The following KCTD19 variants were observed in gnomAD, a reference collection of about 807,000 sequenced individuals.
KCTD19 encodes BTB/POZ domain-containing protein KCTD19.
A neutral mutation model predicts 103.5 loss-of-function variants in KCTD19; 67 were observed. That is an observed-to-expected ratio of 0.65 (90% CI 0.53 to 0.79). The LOEUF (loss-of-function observed/expected upper bound fraction) is 0.79, where lower values mean the gene tolerates loss of function less well. KCTD19 is among the 30% of genes least tolerant of loss of function. KCTD19 has a pLI of 0.00. For synonymous variants in KCTD19, 439 were observed against 452.2 expected (o/e 0.97, Z 0.37); for missense variants, 980 against 1,136.1 (o/e 0.86, Z 1.98).
In KCTD19 at chr16:67,323,659, G is replaced by A. The variant is rs976393470; in HGVS notation, c.4-2774C>T. Among the ~76,000 whole-genome samples, 4 of 152,198 alleles carry A rather than the reference G, an allele frequency of 2.6e-5. No homozygotes were observed. The highest frequency in any genetic ancestry group is 4.4e-5 in the Non-Finnish European group (3 of 68,028). The stretch of plus-strand genomic sequence containing the variant: ...CCATCCACATGCAATGTGTGGACAA[G>A]GCAAATTTCTAGAGATAGAAAATAG... On this transcript the variant is annotated intron_variant, in intron 1 of 15. Coordinates refer to ENST00000304372, the MANE Select transcript of KCTD19 (RefSeq NM_001100915.3). This position sits in a 1 kb window ranked among gnomAD's most constrained non-coding sequence, Gnocchi z 4.1.
Position 67,293,398 on chromosome 16 carries a change from CTG to C in KCTD19, c.2218+144_2218+145del. ...AGCCATGCCAATGTGCCAGTCATTT[CTG>C]TGTCTGCTGCCTGGCACAGAGATGG... On this transcript the variant is annotated intron_variant, in intron 12 of 15. Coordinates refer to ENST00000304372, the MANE Select transcript of KCTD19 (RefSeq NM_001100915.3). This position sits in a 1 kb window ranked among gnomAD's most constrained non-coding sequence, Gnocchi z 4.0. 3.4e-6 allele frequency: 3 copies of C among 876,218 alleles called. No homozygotes were observed. Among genetic ancestry groups the C allele is most frequent in the Non-Finnish European group, 3.5e-6 (2 of 563,388 alleles). 54.3% of individuals were successfully genotyped at this position (876,218 alleles called of 1,614,324 possible).
At chr16:67,313,160 A>C (rs920755875) in intron 2 of KCTD19, among the ~76,000 whole-genome samples, 9 of 150,844 alleles carry the variant, frequency 6.0e-5, no homozygotes, top group African/African-American at 2.2e-4. Context: ...CCCAGGCTGG[A>C]GTGCAGTGGT....
intron 1 of KCTD19, among the ~76,000 whole-genome samples, chr16:67,321,332 C>G (rs2037070712): frequency 6.6e-6 from 1 of 151,998 alleles, no homozygotes; most frequent in Non-Finnish European, 1.5e-5. Context: ...ACAATAGCAT[C>G]AAAAATAACA....
chr16:67,317,150 A>G (rs2037021337), intron 2 of KCTD19, among the ~76,000 whole-genome samples: 1 of 152,126 alleles, frequency 6.6e-6, no homozygotes, highest in Non-Finnish European at 1.5e-5. Context: ...CCAATATGGT[A>G]GCCACTAGCC....
rs1018674730 is a variant in KCTD19, at chr16:67,323,675, T to C, written c.4-2790A>G. On this transcript the variant is annotated intron_variant, in intron 1 of 15. Transcript: ENST00000304372. The surrounding 1 kb of genome is among the most constrained non-coding windows in gnomAD (Gnocchi z 4.1). ...TGTGGACAAGGCAAATTTCTAGAGA[T>C]AGAAAATAGATTAGTGGTTGCCTAG... Among the ~76,000 whole-genome samples the C allele has an allele frequency of 1.3e-5, 2 of 152,084 alleles. No homozygotes were observed. Among genetic ancestry groups the C allele is most frequent in the African/African-American group, 4.8e-5 (2 of 41,406 alleles).
At chr16:67,301,690 C>T (rs1597395192) in intron 5 of KCTD19, 101 bp downstream of exon 5, 1 of 1,121,878 alleles carries the variant, frequency 8.9e-7, no homozygotes, top group Non-Finnish European at 1.3e-6. Context: ...CTCTCACTAA[C>T]CCCCAAAGCC....
intron 4 of KCTD19, 72 bp from the exon 5 acceptor site, chr16:67,301,994 C>T: frequency 6.7e-7 from 1 of 1,491,046 alleles, no homozygotes; most frequent in Non-Finnish European, 9.3e-7. Flanking sequence ...CTGGTTTTGG[C>T]AGGTTTCTGG....
intron 14 of KCTD19, 28 bp downstream of exon 14, chr16:67,291,281 C>A: frequency 6.2e-7 from 1 of 1,606,058 alleles, no homozygotes; most frequent in East Asian, 2.2e-5. Context: ...TACAGGGTGC[C>A]CCAGGGCCTG....
Position 67,291,334 on chromosome 16 carries a change from A to G in KCTD19, c.2540T>C (p.Val847Ala). Residue 847 changes from valine to alanine, a missense_variant, in exon 14 of 16, where the codon GTG becomes GCG. Val to Ala is a moderately conservative substitution (Grantham distance 64). Coordinates refer to ENST00000304372, the MANE Select transcript of KCTD19 (RefSeq NM_001100915.3). Reference sequence around the variant, plus strand: ...CCACAGCCGATTGGCCAGGGAGACCACCTTGGCTGTGATGGCTTTGGGGTC... The same window carrying G: ...CCACAGCCGATTGGCCAGGGAGACCGCCTTGGCTGTGATGGCTTTGGGGTC... ...QKDPKAITAK[V>A]VSLANRLWTL... 6.2e-7 allele frequency: 1 copy of G among 1,613,924 alleles called. No homozygotes were observed. The highest frequency in any genetic ancestry group is 8.5e-7 in the Non-Finnish European group (1 of 1,180,014).
chr16:67,319,434 T>C (rs1291128942), intron 2 of KCTD19, among the ~76,000 whole-genome samples: 1 of 152,032 alleles, frequency 6.6e-6, no homozygotes, highest in Non-Finnish European at 1.5e-5. Flanking sequence ...CTGCAGCTTG[T>C]TGGGTTAGTG....
Position 67,294,110 on chromosome 16 carries a change from G to A in KCTD19, c.1652C>T (p.Ala551Val), listed in dbSNP as rs2036735503. Residue 551 changes from alanine to valine, a missense_variant, in exon 12 of 16, where the codon GCT becomes GTT. By Grantham distance (64) the Ala-to-Val change is moderately conservative (BLOSUM62 0). Coordinates refer to ENST00000304372, the MANE Select transcript of KCTD19 (RefSeq NM_001100915.3). ...GTTGGACCTGACCAGGTTTCCCTTA[G>A]CCTTGTTCCATGGAGTCCTGTCACT... ...DCSDRTPWNKAKGNLVRSNQM... is the reference protein window; with the variant it reads ...DCSDRTPWNKVKGNLVRSNQM... 20 of 1,612,798 alleles carry A rather than the reference G, an allele frequency of 1.2e-5. No individual in the cohort carries two copies. The highest frequency in any genetic ancestry group is 1.7e-5 in the Non-Finnish European group (20 of 1,178,898).
chr16:67,291,785 T>G lies in KCTD19; in HGVS notation c.2271A>C (p.Leu757=), dbSNP rs114108483. 1 of 1,613,828 alleles carries G rather than the reference T, an allele frequency of 6.2e-7. No homozygotes were observed. The highest frequency in any genetic ancestry group is 1.3e-5 in the African/African-American group (1 of 74,886). ...PLPEASEVDS[L]GVILKVTHPP... ...GGTGAGTCACTTTGAGGATAACCCC[T>G]AGGCTGTCCACCTCACTGGCCTCGG... Residue 757 remains leucine, a synonymous_variant, in exon 13 of 16, where the codon CTA becomes CTC. Coordinates refer to ENST00000304372, the MANE Select transcript of KCTD19 (RefSeq NM_001100915.3).
chr16:67,319,826 G>A (rs1182475623), intron 2 of KCTD19, among the ~76,000 whole-genome samples: 1 of 151,446 alleles, frequency 6.6e-6, no homozygotes, highest in African/African-American at 2.4e-5. Flanking sequence ...TTGCTTTGGT[G>A]TAAATGCATG....
rs1458552450 is a variant in KCTD19 at position 67,323,692 on chromosome 16, GT to G, written c.4-2808del. On this transcript the variant is annotated intron_variant, in intron 1 of 15. Transcript: ENST00000304372. The surrounding 1 kb of genome is among the most constrained non-coding windows in gnomAD (Gnocchi z 4.1). ...TCTAGAGATAGAAAATAGATTAGTGGTTGCCTAGGGCTGGAGAGGCTATGGG... is the reference window on the plus strand; with the variant it reads ...TCTAGAGATAGAAAATAGATTAGTGGTGCCTAGGGCTGGAGAGGCTATGGG... 6.6e-6 allele frequency among the ~76,000 whole-genome samples: 1 copy of G among 152,128 alleles called. No individual in the cohort carries two copies.
chr16:67,289,963 A>C (rs2142497377), intron 15 of KCTD19, among the ~76,000 whole-genome samples: 1 of 152,318 alleles, frequency 6.6e-6, no homozygotes, highest in South Asian at 2.1e-4. Flanking sequence ...TACAAACCAC[A>C]TATGAGCCAG....
At chr16:67,292,911 C>G (rs1483999297) in intron 12 of KCTD19, among the ~76,000 whole-genome samples, 1 of 152,130 alleles carries the variant, frequency 6.6e-6, no homozygotes, top group Non-Finnish European at 1.5e-5. Flanking sequence ...AGGCTAGAAA[C>G]CTGGCTTCTC....
At chr16:67,322,447 C>T (rs963928360) in intron 1 of KCTD19, among the ~76,000 whole-genome samples, 8 of 151,980 alleles carry the variant, frequency 5.3e-5, no homozygotes, top group African/African-American at 1.7e-4. Flanking sequence ...TACAGGCACC[C>T]GCCACCACGC....
In KCTD19 at chr16:67,304,559, G is replaced by A. The variant is rs768967610; in HGVS notation, c.313C>T (p.Leu105=). ...LMPLLQTLDN[L]KEGKHHLRVR... ...CGTAGATGGTGTTTCCCTTCCTTCA[G>A]GTTATCTAGAGTCTGTTAGATAATG... Residue 105 remains leucine (L), a synonymous_variant, in exon 3 of 16, where the codon CTG becomes TTG. Coordinates refer to ENST00000304372, the MANE Select transcript of KCTD19 (RefSeq NM_001100915.3). The A allele has an allele frequency of 1.2e-6, 2 of 1,613,790 alleles. No individual in the cohort carries two copies. The highest frequency in any genetic ancestry group is 3.3e-5 in the Admixed American group (2 of 59,996).
chr16:67,306,444 C>T (rs761139896), intron 2 of KCTD19, among the ~76,000 whole-genome samples: 1 of 152,146 alleles, frequency 6.6e-6, no homozygotes, highest in East Asian at 1.9e-4. Flanking sequence ...TTTTGGATTT[C>T]TAGTAGAGAT....
Sources: allele counts gnomAD v4.1 joint callset (sites outside exome capture counted in the v4.1 genomes callset), GRCh38; gene constraint gnomAD v4.1.1; non-coding constraint Gnocchi (gnomAD v3.1); transcripts MANE v1.5; gene names NCBI Gene and HGNC (gene_info 2026-07-23, HGNC 2026-07-21).